The following RNF130 variants were observed in gnomAD, a reference collection of about 807,000 sequenced individuals.
The protein encoded by RNF130 is E3 ubiquitin-protein ligase RNF130.
A neutral mutation model predicts 44.6 loss-of-function variants in RNF130; 21 were observed. The ratio of observed to expected loss-of-function variants is 0.47; its 90% confidence interval spans 0.33 to 0.68. The LOEUF is 0.68. Ranked by LOEUF, RNF130 falls within the 30% of genes least tolerant of loss-of-function variation. The pLI is 0.02. For missense variants in RNF130, 479 were observed against 560.6 expected (o/e 0.85, Z 1.47); for synonymous variants, 214 against 210.4 (o/e 1.02, Z -0.15).
chr5:179,967,020 A>G lies in RNF130; in HGVS notation c.946-10T>C. The G allele has an allele frequency of 6.2e-7, 1 of 1,606,404 alleles. No homozygotes were observed. Among genetic ancestry groups the G allele is most frequent in the Non-Finnish European group, 8.5e-7 (1 of 1,175,080 alleles). ...TACATGGCAAATTCGGCTGCAAAAT[A>G]TTTCCAGGTTAAAAATAATTGTAAG... is the stretch of plus-strand genomic sequence containing the variant. On this transcript the variant is annotated splice_polypyrimidine_tract_variant and intron_variant, in intron 6 of 8. Coordinates refer to ENST00000521389, the MANE Select transcript of RNF130 (RefSeq NM_018434.6).
chr5:180,065,040 C>T (rs941759606), intron 1 of RNF130, among the ~76,000 whole-genome samples: 3 of 151,684 alleles, frequency 2.0e-5, no homozygotes, highest in Admixed American at 6.6e-5. Flanking sequence ...AGAAAAAACA[C>T]GCCTTTTTCA....
chr5:180,071,739 C>A lies in RNF130; in HGVS notation c.-37G>T, dbSNP rs1039576739. 20 of 1,173,842 alleles carry A rather than the reference C, an allele frequency of 1.7e-5. No homozygotes were observed. In the East Asian group the frequency reaches 3.7e-4, roughly 22 times the overall value. 72.7% of individuals were successfully genotyped at this position (1,173,842 alleles called of 1,614,324 possible). A position where few individuals can be genotyped will look rare whatever the true frequency, so the allele number is the denominator to read the frequency against. The stretch of plus-strand genomic sequence containing the variant: ...CAGCCGCCGCTGCTCGCGGACCGGG[C>A]TCCGGGGCCGGCGCCTAGAGGCGGG... On this transcript the variant is annotated 5_prime_UTR_variant, in exon 1 of 9. Transcript: ENST00000521389.
chr5:179,956,803 A>G (rs1288552786), intron 8 of RNF130, among the ~76,000 whole-genome samples: 2 of 152,256 alleles, frequency 1.3e-5, no homozygotes, highest in East Asian at 3.8e-4. Context: ...ATGAGGGCAT[A>G]GCCCTGAGCT....
At chr5:180,045,516 G>A (rs893721341) in intron 1 of RNF130, among the ~76,000 whole-genome samples, 3 of 152,186 alleles carry the variant, frequency 2.0e-5, no homozygotes, top group Admixed American at 2.0e-4. Flanking sequence ...CTCCCACAGC[G>A]CGGAAGTGGA....
intron 3 of RNF130, among the ~76,000 whole-genome samples, chr5:179,983,413 G>C (rs974935857): frequency 2.7e-5 from 4 of 146,284 alleles, no homozygotes; most frequent in Non-Finnish European, 5.9e-5. Context: ...ATTCTCCACA[G>C]AATTACCTTT....
At chr5:180,018,292 C>CT (rs1561694806) in intron 2 of RNF130, among the ~76,000 whole-genome samples, 1 of 55,156 alleles carries the variant, frequency 1.8e-5, no homozygotes, top group African/African-American at 7.4e-5. Context: ...GAGACTCCAT[C>CT]TCAAAAAAAA....
chr5:180,055,473 C>T (rs900006271), intron 1 of RNF130, among the ~76,000 whole-genome samples: 4 of 150,870 alleles, frequency 2.7e-5, no homozygotes, highest in African/African-American at 4.9e-5. Flanking sequence ...TGTGTGTGCG[C>T]GCGCGCACGC....
At chr5:179,996,470 C>T (rs529556217) in intron 3 of RNF130, among the ~76,000 whole-genome samples, 10 of 152,216 alleles carry the variant, frequency 6.6e-5, no homozygotes, top group African/African-American at 2.2e-4. Flanking sequence ...CATATATGGC[C>T]TTTATTGTGT....
intron 2 of RNF130, among the ~76,000 whole-genome samples, chr5:180,017,321 T>C (rs1763764384): frequency 6.6e-6 from 1 of 152,312 alleles, no homozygotes; most frequent in East Asian, 1.9e-4. Flanking sequence ...TGTACCTTTA[T>C]TTTTGGTGGC....
downstream of RNF130, among the ~76,000 whole-genome samples, chr5:179,951,497 C>A (rs1048014627): frequency 3.9e-5 from 6 of 152,064 alleles, no homozygotes; most frequent in Middle Eastern, 3.4e-3. Flanking sequence ...CATTCTCCTG[C>A]CTCAGCCTCC....
intron 6 of RNF130, among the ~76,000 whole-genome samples, chr5:179,968,755 G>A (rs1048397736): frequency 6.6e-6 from 1 of 152,134 alleles, no homozygotes; most frequent in Non-Finnish European, 1.5e-5. Context: ...GTCTGAAATG[G>A]GGGTGAGTTT....
intron 7 of RNF130, among the ~76,000 whole-genome samples, chr5:179,926,691 T>C (rs755244789): frequency 6.6e-5 from 10 of 152,056 alleles, no homozygotes; most frequent in Non-Finnish European, 7.4e-5. Flanking sequence ...CAGAGTTGTG[T>C]GAGCTGCTGT....
At chr5:179,993,139 G>C (rs1319183079) in intron 3 of RNF130, among the ~76,000 whole-genome samples, 1 of 152,214 alleles carries the variant, frequency 6.6e-6, no homozygotes, top group Non-Finnish European at 1.5e-5. Flanking sequence ...GGACATTTGG[G>C]TTGGTTCCAA....
intron 3 of RNF130, among the ~76,000 whole-genome samples, chr5:179,989,020 G>A (rs1320680969): frequency 6.6e-6 from 1 of 152,224 alleles, no homozygotes; most frequent in South Asian, 2.1e-4. Context: ...CCCCAGACTG[G>A]GTAATTTATA....
chr5:179,998,979 A>G (rs943271171), intron 3 of RNF130, among the ~76,000 whole-genome samples: 2 of 145,858 alleles, frequency 1.4e-5, no homozygotes, highest in Non-Finnish European at 3.0e-5. Context: ...TTATATTATG[A>G]TCTTCTTTGT....
intron 7 of RNF130, among the ~76,000 whole-genome samples, chr5:179,923,767 C>G (rs1267991089): frequency 6.6e-6 from 1 of 152,196 alleles, no homozygotes; most frequent in Non-Finnish European, 1.5e-5. Flanking sequence ...CTGCCCAATT[C>G]TTCAATCACT....
intron 7 of RNF130, among the ~76,000 whole-genome samples, chr5:179,947,896 A>G (rs1476095031): frequency 1.3e-5 from 2 of 151,984 alleles, no homozygotes; most frequent in Middle Eastern, 3.2e-3. Context: ...ATATGCATGT[A>G]AGAATATGGG....
At chr5:179,971,611 C>T (rs889371559) in intron 5 of RNF130, among the ~76,000 whole-genome samples, 6 of 152,142 alleles carry the variant, frequency 3.9e-5, no homozygotes, top group Non-Finnish European at 5.9e-5. Context: ...CCTCGTGATC[C>T]GCCCGCCTCG....
intron 1 of RNF130, among the ~76,000 whole-genome samples, chr5:180,071,240 CTT>C (rs1309499568): frequency 6.6e-6 from 1 of 152,224 alleles, no homozygotes; most frequent in East Asian, 1.9e-4. Context: ...CGTTCCAAGT[CTT>C]TTTTAAAAGA....
Sources: allele counts gnomAD v4.1 joint callset (sites outside exome capture counted in the v4.1 genomes callset), GRCh38; gene constraint gnomAD v4.1.1; transcripts MANE v1.5; gene names NCBI Gene and HGNC (gene_info 2026-07-23, HGNC 2026-07-21).